DLG2: variants seen among roughly 807,000 people sequenced by gnomAD.
DLG2 encodes the protein discs large MAGUK scaffold protein 2.
A neutral mutation model predicts 132.5 loss-of-function variants in DLG2; 45 were observed. The ratio of observed to expected loss-of-function variants is 0.34; its 90% CI spans 0.27 to 0.44. The LOEUF is 0.44. Among genes scored for constraint, DLG2 ranks in the 20% least tolerant of loss-of-function variants. DLG2 has a pLI of 1.00. For synonymous variants in DLG2, 424 were observed against 419.6 expected, an observed-to-expected ratio of 1.01 and a Z score of -0.13; for missense variants, 1,045 against 1,196.9, an observed-to-expected ratio of 0.87 and a Z score of 1.87.
At chr11:84,916,348 C>CAAAAAAAAAAAAAAAA (rs11423369) in intron 6 of DLG2, among the ~76,000 whole-genome samples, 6 of 27,942 alleles carry the variant, frequency 2.1e-4, no homozygotes, top group African/African-American at 2.7e-4. Context: ...GACTCCGTCT[C>CAAAAAAAAAAAAAAAA]AAAAAAAAAA....
At chr11:84,000,612 A>T (rs1465841666) in intron 11 of DLG2, among the ~76,000 whole-genome samples, 1 of 152,148 alleles carries the variant, frequency 6.6e-6, no homozygotes, top group African/African-American at 2.4e-5. Context: ...TTCAAAAAGC[A>T]TCAAAAGTGT....
intron 15 of DLG2, among the ~76,000 whole-genome samples, chr11:83,883,226 T>C (rs2066819386): frequency 6.6e-6 from 1 of 152,230 alleles, no homozygotes; most frequent in African/African-American, 2.4e-5. Flanking sequence ...AGATTTTTTC[T>C]GGAATTTTCA....
chr11:84,346,059 T>C (rs1235657523), intron 7 of DLG2, among the ~76,000 whole-genome samples: 1 of 152,244 alleles, frequency 6.6e-6, no homozygotes, highest in African/African-American at 2.4e-5. Flanking sequence ...TGTAGTATTT[T>C]ATTTTTATAA....
chr11:84,040,360 C>T (rs1240569298), intron 11 of DLG2, among the ~76,000 whole-genome samples: 2 of 151,952 alleles, frequency 1.3e-5, no homozygotes, highest in Admixed American at 6.6e-5. Flanking sequence ...TTAGGTCTAA[C>T]GTTTAAGTCT....
intron 6 of DLG2, among the ~76,000 whole-genome samples, chr11:84,934,505 T>TG (rs1491212273): frequency 1.7e-4 from 12 of 68,612 alleles, no homozygotes; most frequent in African/African-American, 1.2e-3. Flanking sequence ...GTCCTGGGTG[T>TG]TTTTTTTTTG....
intron 7 of DLG2, among the ~76,000 whole-genome samples, chr11:84,354,400 T>G (rs2098598798): frequency 6.6e-6 from 1 of 152,192 alleles, no homozygotes. Context: ...TGCCTGCATA[T>G]CGTCTCCTTT....
chr11:84,644,687 C>G (rs1317464985), intron 6 of DLG2, among the ~76,000 whole-genome samples: 1 of 131,172 alleles, frequency 7.6e-6, no homozygotes, highest in Non-Finnish European at 1.6e-5. Flanking sequence ...GCCTGGGCAA[C>G]AGAACGAGAC....
intron 6 of DLG2, among the ~76,000 whole-genome samples, chr11:84,954,954 T>C (rs2051446811): frequency 6.6e-6 from 1 of 152,206 alleles, no homozygotes. Context: ...AGTTAGTAAA[T>C]ATTTCTGGTT....
chr11:84,407,912 G>A (rs750750234), intron 7 of DLG2, among the ~76,000 whole-genome samples: 1 of 152,050 alleles, frequency 6.6e-6, no homozygotes, highest in Non-Finnish European at 1.5e-5. Flanking sequence ...GCAAAACAAG[G>A]ATCATAGAAT....
At chr11:84,242,823 G>A (rs1171671017) in intron 8 of DLG2, among the ~76,000 whole-genome samples, 3 of 152,044 alleles carry the variant, frequency 2.0e-5, no homozygotes, top group African/African-American at 7.2e-5. Context: ...AGTCTTCAAA[G>A]TTAAGCTTTT....
chr11:84,748,259 A>G (rs2065646426), intron 6 of DLG2, among the ~76,000 whole-genome samples: 1 of 152,216 alleles, frequency 6.6e-6, no homozygotes, highest in Admixed American at 6.5e-5. Context: ...CAACATGCCA[A>G]TTGGTCTTCA....
intron 18 of DLG2, among the ~76,000 whole-genome samples, chr11:83,638,301 G>A (rs552875816): frequency 2.0e-4 from 30 of 152,276 alleles, no homozygotes; most frequent in African/African-American, 7.2e-4. Context: ...AAGTGTACAA[G>A]ATTTGGGTTA....
intron 6 of DLG2, among the ~76,000 whole-genome samples, chr11:84,971,651 A>G (rs893396496): frequency 6.6e-6 from 1 of 152,174 alleles, no homozygotes; most frequent in African/African-American, 2.4e-5. Context: ...TGACTCCTGG[A>G]TAACTTTTTT....
intron 6 of DLG2, among the ~76,000 whole-genome samples, chr11:84,936,296 T>G (rs1429980583): frequency 6.6e-6 from 1 of 152,204 alleles, no homozygotes; most frequent in Non-Finnish European, 1.5e-5. Flanking sequence ...ATTTTGATAA[T>G]TCTAAAGTAT....
At chr11:84,273,088 A>G in intron 7 of DLG2, 1 of 1,342,066 alleles carries the variant, frequency 7.5e-7, no homozygotes, top group Admixed American at 3.2e-5. Context: ...TATAGATACA[A>G]CAGGAGAAAA....
chr11:84,017,182 A>T (rs1028457409), intron 11 of DLG2, among the ~76,000 whole-genome samples: 14 of 152,118 alleles, frequency 9.2e-5, no homozygotes, highest in Admixed American at 3.9e-4. Flanking sequence ...TAGCCAATGA[A>T]TTTTAAAAAG....
intron 6 of DLG2, among the ~76,000 whole-genome samples, chr11:84,579,084 G>A (rs940979488): frequency 1.3e-5 from 2 of 152,114 alleles, no homozygotes; most frequent in Non-Finnish European, 2.9e-5. Context: ...GGCCTCCTCA[G>A]CCATGTGGAA....
chr11:84,216,518 G>C (rs1356799368), intron 8 of DLG2, among the ~76,000 whole-genome samples: 1 of 152,116 alleles, frequency 6.6e-6, no homozygotes, highest in Non-Finnish European at 1.5e-5. Flanking sequence ...TTGTAAAATG[G>C]ACACATACTT....
intron 6 of DLG2, among the ~76,000 whole-genome samples, chr11:84,824,953 T>C (rs2078156267): frequency 6.6e-6 from 1 of 151,886 alleles, no homozygotes. Flanking sequence ...CAAACTGACC[T>C]TGATTGTGGG....
Sources: gnomAD v4.1 joint callset for allele counts (sites outside exome capture counted in the v4.1 genomes callset) on GRCh38, gnomAD v4.1.1 for gene constraint, MANE v1.5 for transcripts, NCBI Gene and HGNC (gene_info 2026-07-23, HGNC 2026-07-21) for gene names.